CSMD1: variants seen among roughly 807,000 people sequenced by gnomAD.
CSMD1 encodes the protein CUB and Sushi multiple domains 1.
In CSMD1, 213 loss-of-function variants were observed where a neutral mutation model predicts 417.5. The ratio of observed to expected loss-of-function variants is 0.51; its 90% CI spans 0.46 to 0.57. CSMD1 has a LOEUF of 0.57. CSMD1 is among the 20% of genes least tolerant of loss of function. CSMD1 has a pLI of 0.00. For synonymous variants in CSMD1, 2,862 were observed against 1,736.8 expected (o/e 1.65, Z -16.11); for missense variants, 6,923 against 4,529.7 (o/e 1.53, Z -15.17).
intron 1 of CSMD1, among the ~76,000 whole-genome samples, chr8:4,974,704 G>A (rs987479290): frequency 1.3e-5 from 2 of 152,110 alleles, no homozygotes; most frequent in African/African-American, 4.8e-5. Context: ...GACAGATGTC[G>A]AAGGATAACA....
In CSMD1 at chr8:3,979,081, C is replaced by T. The variant is rs561324701; in HGVS notation, c.818+18822G>A. 2.6e-5 allele frequency among the ~76,000 whole-genome samples: 4 copies of T among 152,192 alleles called. No individual in the cohort carries two copies. In the East Asian group the frequency reaches 5.8e-4, roughly 22 times the overall value. ...CTTTCCTTCAGATGTGCACAGCGAC[C>T]TTTGAACAGTAGCCAGTGCATTTAG... On this transcript the variant is annotated intron_variant, in intron 5 of 69. Transcript: ENST00000635120.
intron 3 of CSMD1, among the ~76,000 whole-genome samples, chr8:4,162,827 A>G (rs2131102258): frequency 6.6e-6 from 1 of 152,272 alleles, no homozygotes; most frequent in Middle Eastern, 3.4e-3. Flanking sequence ...TAAATATATA[A>G]TGCTATGTGT....
chr8:3,362,777 C>A (rs1274620588), intron 20 of CSMD1, among the ~76,000 whole-genome samples: 2 of 152,164 alleles, frequency 1.3e-5, no homozygotes, highest in Admixed American at 6.5e-5. Context: ...TGACCCCACT[C>A]TGTATTTTAT....
chr8:4,383,195 C>T (rs78166166), intron 3 of CSMD1, among the ~76,000 whole-genome samples: 12,681 of 152,174 alleles, frequency 0.083, 690 homozygotes, highest in South Asian at 0.19. Flanking sequence ...AAGTATATAA[C>T]TCTGAGTACT....
chr8:3,855,798 G>A (rs933480706), intron 5 of CSMD1, among the ~76,000 whole-genome samples: 1 of 152,120 alleles, frequency 6.6e-6, no homozygotes, highest in East Asian at 1.9e-4. Context: ...GCTTTCTGTA[G>A]AATTTTTACT....
chr8:4,923,216 G>C (rs1418595321), intron 1 of CSMD1, among the ~76,000 whole-genome samples: 2 of 152,118 alleles, frequency 1.3e-5, no homozygotes, highest in African/African-American at 2.4e-5. Flanking sequence ...CATAATAGTA[G>C]ACACAAGTGT....
intron 2 of CSMD1, among the ~76,000 whole-genome samples, chr8:4,483,698 C>G (rs1801223439): frequency 6.6e-6 from 1 of 152,062 alleles, no homozygotes; most frequent in South Asian, 2.1e-4. Flanking sequence ...ACTGATTTTG[C>G]TTGTCATGAA....
intron 39 of CSMD1, among the ~76,000 whole-genome samples, chr8:3,157,426 G>T (rs995778941): frequency 3.9e-5 from 6 of 152,286 alleles, no homozygotes; most frequent in South Asian, 2.1e-4. Context: ...GCCCCCAGGA[G>T]CGCATCCACA....
intron 2 of CSMD1, among the ~76,000 whole-genome samples, chr8:4,420,872 G>C (rs57163900): frequency 6.6e-6 from 1 of 152,242 alleles, no homozygotes; most frequent in East Asian, 1.9e-4. Context: ...GTGCTGTGAA[G>C]CCTGGTCTGT....
intron 11 of CSMD1, among the ~76,000 whole-genome samples, chr8:3,487,892 C>A (rs572580573): frequency 2.0e-5 from 3 of 152,032 alleles, no homozygotes; most frequent in Non-Finnish European, 4.4e-5. Flanking sequence ...AACAAGATCC[C>A]ATCAACATTT....
chr8:3,658,656 G>C (rs1247569901), intron 7 of CSMD1, among the ~76,000 whole-genome samples: 1 of 151,844 alleles, frequency 6.6e-6, no homozygotes. Context: ...GGTGGTGCGT[G>C]CCTGTAATCC....
At chr8:3,350,518 AT>A (rs1422328342) in intron 21 of CSMD1, among the ~76,000 whole-genome samples, 5 of 152,188 alleles carry the variant, frequency 3.3e-5, no homozygotes, top group African/African-American at 1.2e-4. Flanking sequence ...CTTTTAAAAA[AT>A]ATCCTAAATA....
chr8:3,534,514 A>T (rs969781303), intron 10 of CSMD1, among the ~76,000 whole-genome samples: 10 of 144,654 alleles, frequency 6.9e-5, no homozygotes, highest in African/African-American at 2.4e-4. Flanking sequence ...GGCTTTCTCA[A>T]TTACAAAAAA....
rs189595983 is a variant in CSMD1, at chr8:2,993,084, T to C, written c.8377+4927A>G. ...CACTGAAAGAAAGGATTGTCCAATATCATGTGTTGGAGCTTCATCCAGTAC... is the reference window on the plus strand; with the variant it reads ...CACTGAAAGAAAGGATTGTCCAATACCATGTGTTGGAGCTTCATCCAGTAC... On this transcript the variant is annotated intron_variant, in intron 54 of 69. Coordinates refer to ENST00000635120, the MANE Select transcript of CSMD1 (RefSeq NM_033225.6). 2.0e-5 allele frequency among the ~76,000 whole-genome samples: 3 copies of C among 152,340 alleles called. No homozygotes were observed. The East Asian group carries it at 5.8e-4, about 29-fold the overall frequency.
At chr8:3,498,963 T>A (rs2897371) in intron 10 of CSMD1, among the ~76,000 whole-genome samples, 77,141 of 151,986 alleles carry the variant, frequency 0.51, 19,876 homozygotes, top group Middle Eastern at 0.57. Context: ...AACATCATTA[T>A]TTTAAAAATC....
chr8:3,215,190 C>T (rs570111526), intron 29 of CSMD1, among the ~76,000 whole-genome samples: 6 of 152,258 alleles, frequency 3.9e-5, no homozygotes, highest in Admixed American at 6.5e-5. Context: ...CTTTCTTATA[C>T]GAATAACAAC....
chr8:4,876,064 C>T (rs1803021142), intron 1 of CSMD1, among the ~76,000 whole-genome samples: 1 of 152,042 alleles, frequency 6.6e-6, no homozygotes, highest in Non-Finnish European at 1.5e-5. Context: ...CTTCAGAAAA[C>T]TAGCAGATAG....
chr8:4,564,521 G>A (rs888686184), intron 2 of CSMD1, among the ~76,000 whole-genome samples: 4 of 152,114 alleles, frequency 2.6e-5, no homozygotes, highest in African/African-American at 9.7e-5. Context: ...TTATAATTGT[G>A]ACTCGATGTT....
chr8:4,465,101 A>C (rs1240080876), intron 2 of CSMD1, among the ~76,000 whole-genome samples: 2 of 152,194 alleles, frequency 1.3e-5, no homozygotes, highest in Non-Finnish European at 2.9e-5. Flanking sequence ...TTTCACTGGG[A>C]GACACTAACA....
Sources: allele counts gnomAD v4.1 joint callset (sites outside exome capture counted in the v4.1 genomes callset), GRCh38; gene constraint gnomAD v4.1.1; transcripts MANE v1.5; gene names NCBI Gene and HGNC (gene_info 2026-07-23, HGNC 2026-07-21).